The following IL1RAPL1 variants were observed in gnomAD, a reference collection of about 807,000 sequenced individuals.
IL1RAPL1 encodes interleukin 1 receptor accessory protein like 1, also known as interleukin-1 receptor accessory protein-like 1.
Under a neutral mutation model 48.4 loss-of-function variants are expected in IL1RAPL1, and 3 were observed. That is an observed-to-expected ratio of 0.06 (90% confidence interval 0.03 to 0.16). The LOEUF is 0.16. Among genes scored for constraint, IL1RAPL1 ranks in the 10% least tolerant of loss-of-function variants. The pLI is 1.00. For synonymous variants in IL1RAPL1, 185 were observed against 187.7 expected (o/e 0.99, Z 0.12); for missense variants, 349 against 530.6 (o/e 0.66, Z 3.36).
At chrX:29,611,071 TCCTTGCCATA>T (rs755673909) in intron 5 of IL1RAPL1, among the ~76,000 whole-genome samples, 5 of 112,544 alleles carry the variant, frequency 4.4e-5, no homozygotes, top group Middle Eastern at 4.6e-3. Flanking sequence ...AAAATATATT[TCCTTGCCATA>T]CCTTGAAATT....
intron 2 of IL1RAPL1, among the ~76,000 whole-genome samples, chrX:29,055,752 A>G (rs997912242): frequency 4.5e-5 from 5 of 112,162 alleles, no homozygotes; most frequent in Non-Finnish European, 1.9e-5. Flanking sequence ...GACATGAAAC[A>G]TACATTAAAT....
intron 5 of IL1RAPL1, among the ~76,000 whole-genome samples, chrX:29,580,652 G>A (rs183758131): frequency 9.0e-6 from 1 of 111,503 alleles, no homozygotes. Context: ...TGTAGGTTGA[G>A]TCTCGGTCTG....
intron 9 of IL1RAPL1, among the ~76,000 whole-genome samples, chrX:29,946,505 T>C (rs771194400): frequency 1.8e-3 from 207 of 112,366 alleles, no homozygotes; most frequent in Non-Finnish European, 3.2e-3. Context: ...GAAGATACGC[T>C]ATCCCCCTAC....
intron 1 of IL1RAPL1, among the ~76,000 whole-genome samples, chrX:28,604,991 G>A (rs1934067730): frequency 9.0e-6 from 1 of 110,907 alleles, no homozygotes; most frequent in Admixed American, 9.7e-5. Context: ...TTACACAATG[G>A]ATCACTCCTC....
At chrX:29,439,929 G>C (rs777541811) in intron 5 of IL1RAPL1, among the ~76,000 whole-genome samples, 2 of 89,935 alleles carry the variant, frequency 2.2e-5, no homozygotes, top group South Asian at 6.2e-4. Context: ...TCCATTGCAA[G>C]CCTGCACAGC....
intron 5 of IL1RAPL1, among the ~76,000 whole-genome samples, chrX:29,592,659 C>A (rs764621128): frequency 6.2e-5 from 7 of 112,256 alleles, no homozygotes; most frequent in Non-Finnish European, 1.3e-4. Context: ...TTCCCATTGC[C>A]ATCACCTTCT....
At chrX:29,341,185 A>G (rs1452676138) in intron 3 of IL1RAPL1, among the ~76,000 whole-genome samples, 3 of 108,715 alleles carry the variant, frequency 2.8e-5, no homozygotes, top group Non-Finnish European at 5.7e-5. Flanking sequence ...ACAATATACC[A>G]TTATAACTCC....
chrX:29,529,465 G>A (rs758275145), intron 5 of IL1RAPL1, among the ~76,000 whole-genome samples: 21 of 108,316 alleles, frequency 1.9e-4, no homozygotes, highest in East Asian at 5.9e-4. Context: ...GTGGTGATGC[G>A]CGCCTGTAAT....
chrX:29,763,043 G>T (rs1486605502), intron 6 of IL1RAPL1, among the ~76,000 whole-genome samples: 3 of 105,838 alleles, frequency 2.8e-5, no homozygotes, highest in African/African-American at 6.9e-5. Context: ...ATAAGAAAAA[G>T]TTTTTTGTTT....
chrX:29,772,035 G>A (rs1929079488), intron 6 of IL1RAPL1, among the ~76,000 whole-genome samples: 1 of 110,346 alleles, frequency 9.1e-6, no homozygotes, highest in Non-Finnish European at 1.9e-5. Context: ...CCATGATTCA[G>A]TTGCCTCCCA....
chrX:29,222,464 A>T (rs745857082), intron 2 of IL1RAPL1, among the ~76,000 whole-genome samples: 2 of 112,170 alleles, frequency 1.8e-5, no homozygotes, highest in African/African-American at 6.5e-5. Flanking sequence ...ACTTAATGCT[A>T]GGTCAATATT....
At chrX:28,667,918 C>T (rs1934899680) in intron 1 of IL1RAPL1, among the ~76,000 whole-genome samples, 2 of 111,524 alleles carry the variant, frequency 1.8e-5, no homozygotes, top group African/African-American at 6.5e-5. Flanking sequence ...CCAAAGGCCC[C>T]ACCCTCTAAT....
In IL1RAPL1 at chrX:29,122,419, A is replaced by T. The variant is rs1006197068; in HGVS notation, c.83-160519A>T. Among the ~76,000 whole-genome samples, 7 of 96,394 alleles carry T rather than the reference A, an allele frequency of 7.3e-5. No homozygotes were observed. In the South Asian group the frequency reaches 3.8e-3, roughly 52 times the overall value. 83.7% of individuals were successfully genotyped at this position (96,394 alleles called of 115,157 possible). A position where few individuals can be genotyped will look rare whatever the true frequency, so the allele number is the denominator to read the frequency against. On this transcript the variant is annotated intron_variant, in intron 2 of 10. Coordinates refer to ENST00000378993, the MANE Select transcript of IL1RAPL1 (RefSeq NM_014271.4). ...CTTTCTCTCTCTCTCTCACACACAC[A>T]CACACACACACACACACACACACAC...
chrX:28,647,517 CAT>C (rs1934627730), intron 1 of IL1RAPL1, among the ~76,000 whole-genome samples: 1 of 112,242 alleles, frequency 8.9e-6, no homozygotes, highest in South Asian at 3.7e-4. Flanking sequence ...AAGAAAAAAA[CAT>C]AATTCTACAG....
intron 6 of IL1RAPL1, among the ~76,000 whole-genome samples, chrX:29,814,952 G>C (rs765677763): frequency 9.0e-6 from 1 of 111,248 alleles, no homozygotes; most frequent in Non-Finnish European, 1.9e-5. Context: ...GTCTGTTCTC[G>C]TACCAGTACT....
At chrX:29,316,341 G>C (rs1932770407) in intron 3 of IL1RAPL1, among the ~76,000 whole-genome samples, 1 of 111,786 alleles carries the variant, frequency 8.9e-6, no homozygotes, top group African/African-American at 3.2e-5. Flanking sequence ...AGATGACCTC[G>C]AGGTCATCCA....
intron 5 of IL1RAPL1, among the ~76,000 whole-genome samples, chrX:29,555,296 G>T (rs1471766934): frequency 6.2e-5 from 7 of 112,325 alleles, no homozygotes; most frequent in African/African-American, 2.3e-4. Context: ...AGATATTTGG[G>T]TATCTCTAAC....
chrX:28,811,982 G>C (rs775273160), intron 2 of IL1RAPL1, among the ~76,000 whole-genome samples: 36 of 110,919 alleles, frequency 3.2e-4, no homozygotes, highest in Middle Eastern at 4.6e-3. Flanking sequence ...CTCCTTGGAT[G>C]AGTTGTTTAG....
chrX:29,317,792 A>G (rs1403431960), intron 3 of IL1RAPL1, among the ~76,000 whole-genome samples: 4 of 112,109 alleles, frequency 3.6e-5, no homozygotes, highest in African/African-American at 1.3e-4. Context: ...AACAAAAATG[A>G]TACCACTTCC....
Sources: gnomAD v4.1 joint callset for allele counts (sites outside exome capture counted in the v4.1 genomes callset) on GRCh38, gnomAD v4.1.1 for gene constraint, MANE v1.5 for transcripts, NCBI Gene and HGNC (gene_info 2026-07-23, HGNC 2026-07-21) for gene names.